The following L3MBTL4 variants were observed in gnomAD, a reference collection of about 807,000 sequenced individuals.
L3MBTL4 encodes the protein L3MBTL histone methyl-lysine binding protein 4.
A neutral mutation model predicts 84.5 loss-of-function variants in L3MBTL4; 70 were observed. The observed-to-expected ratio is 0.83, with a 90% CI of 0.68 to 1.01. The LOEUF (loss-of-function observed/expected upper bound fraction) is 1.01, where lower values mean the gene tolerates loss of function less well. Among genes scored for constraint, L3MBTL4 ranks in the 50% least tolerant of loss-of-function variants. The probability of loss-of-function intolerance (pLI) is 0.00; values close to 1 mark genes in which losing one functional copy is unlikely to be tolerated. For synonymous variants in L3MBTL4, 274 were observed against 259.8 expected (o/e 1.05, Z -0.52); for missense variants, 715 against 754.8 (o/e 0.95, Z 0.62).
intron 16 of L3MBTL4, among the ~76,000 whole-genome samples, chr18:6,001,180 T>A (rs1437398883): frequency 1.3e-5 from 2 of 152,218 alleles, no homozygotes; most frequent in East Asian, 3.9e-4. Flanking sequence ...TAACTGACTA[T>A]GAAGGTGCAG....
At chr18:6,041,727 C>A (rs2056410561) in intron 16 of L3MBTL4, among the ~76,000 whole-genome samples, 1 of 152,030 alleles carries the variant, frequency 6.6e-6, no homozygotes, top group African/African-American at 2.4e-5. Flanking sequence ...CTGTTTCATT[C>A]TTCTTTTATT....
intron 16 of L3MBTL4, among the ~76,000 whole-genome samples, chr18:6,044,123 A>T (rs1457877762): frequency 1.3e-5 from 2 of 152,222 alleles, no homozygotes; most frequent in Non-Finnish European, 2.9e-5. Context: ...TCTTCTCAAG[A>T]GCATTAGTAA....
At chr18:6,099,198 G>A (rs1434286799) in intron 14 of L3MBTL4, among the ~76,000 whole-genome samples, 19 of 151,952 alleles carry the variant, frequency 1.3e-4, no homozygotes, top group Admixed American at 7.2e-4. Flanking sequence ...AAAATAACCC[G>A]CCCCATTTCA....
At chr18:6,106,138 G>C (rs1476655991) in intron 14 of L3MBTL4, among the ~76,000 whole-genome samples, 1 of 152,182 alleles carries the variant, frequency 6.6e-6, no homozygotes, top group Non-Finnish European at 1.5e-5. Context: ...AAACAGCTAA[G>C]AAGTTATACA....
At chr18:6,203,687 T>C (rs2045747316) in intron 12 of L3MBTL4, among the ~76,000 whole-genome samples, 1 of 152,136 alleles carries the variant, frequency 6.6e-6, no homozygotes, top group African/African-American at 2.4e-5. Context: ...TGCTCCTGTT[T>C]AAGAACAGGC....
At chr18:6,102,162 T>C (rs1254879597) in intron 14 of L3MBTL4, among the ~76,000 whole-genome samples, 2 of 152,216 alleles carry the variant, frequency 1.3e-5, no homozygotes, top group East Asian at 1.9e-4. Flanking sequence ...CTGAGTAAAA[T>C]TGGGCTATTT....
At chr18:6,313,100 A>T (rs1021549112) in intron 1 of L3MBTL4, among the ~76,000 whole-genome samples, 4 of 152,150 alleles carry the variant, frequency 2.6e-5, no homozygotes, top group Non-Finnish European at 5.9e-5. Flanking sequence ...CCTTTATTGT[A>T]GTTTTTGTTT....
chr18:5,963,117 G>A (rs1361437314), intron 17 of L3MBTL4, among the ~76,000 whole-genome samples: 2 of 152,216 alleles, frequency 1.3e-5, no homozygotes, highest in Non-Finnish European at 2.9e-5. Context: ...TTTGTCAGAT[G>A]TCAACCACTC....
chr18:6,265,081 G>A (rs1044248536), intron 4 of L3MBTL4, among the ~76,000 whole-genome samples: 2 of 152,166 alleles, frequency 1.3e-5, no homozygotes, highest in Non-Finnish European at 2.9e-5. Context: ...AGCAGTTAAG[G>A]AAACAAATTG....
At chr18:6,401,135 C>T (rs551739643) in intron 1 of L3MBTL4, among the ~76,000 whole-genome samples, 8 of 152,272 alleles carry the variant, frequency 5.3e-5, no homozygotes, top group African/African-American at 1.9e-4. Context: ...TCTAATTATA[C>T]AGTGCCAAGC....
At chr18:6,032,706 C>G (rs768198982) in intron 16 of L3MBTL4, among the ~76,000 whole-genome samples, 3 of 152,158 alleles carry the variant, frequency 2.0e-5, no homozygotes, top group Non-Finnish European at 4.4e-5. Context: ...AAACAATTCT[C>G]CATTCTCCCC....
chr18:6,341,642 G>C (rs1466233233), intron 1 of L3MBTL4, among the ~76,000 whole-genome samples: 1 of 151,882 alleles, frequency 6.6e-6, no homozygotes, highest in Non-Finnish European at 1.5e-5. Flanking sequence ...TTATAGAACA[G>C]CATCATGTGA....
intron 4 of L3MBTL4, among the ~76,000 whole-genome samples, chr18:6,266,372 TAC>T (rs990915926): frequency 6.6e-6 from 1 of 152,180 alleles, no homozygotes; most frequent in African/African-American, 2.4e-5. Context: ...TACTTAGCTA[TAC>T]ACACACACAT....
In L3MBTL4 at chr18:6,306,140, T is replaced by C. The variant is rs542601374; in HGVS notation, c.73-4183A>G. On this transcript the variant is annotated intron_variant, in intron 3 of 18. Transcript: ENST00000317931. Reference sequence around the variant, plus strand: ...TAATAACCCCAGTGACAAACTGCTATTTGAATTTCACCTGCTAGTTCAAGT... The same window carrying C: ...TAATAACCCCAGTGACAAACTGCTACTTGAATTTCACCTGCTAGTTCAAGT... 3.2e-4 allele frequency among the ~76,000 whole-genome samples: 49 copies of C among 152,352 alleles called. No individual in the cohort carries two copies. The South Asian group carries it at 7.0e-3, about 22-fold the overall frequency.
At chr18:6,278,086 C>T (rs1185548138) in intron 4 of L3MBTL4, among the ~76,000 whole-genome samples, 1 of 151,954 alleles carries the variant, frequency 6.6e-6, no homozygotes, top group Non-Finnish European at 1.5e-5. Context: ...GTTTGTAGTG[C>T]TCATTTAATT....
intron 17 of L3MBTL4, among the ~76,000 whole-genome samples, chr18:5,963,388 T>G (rs1461832463): frequency 6.6e-6 from 1 of 152,202 alleles, no homozygotes; most frequent in East Asian, 1.9e-4. Context: ...CTGGATTTTT[T>G]TAAAGGGAAT....
rs1486465347 is a variant in L3MBTL4 at position 6,189,360 on chromosome 18, G to T, written c.982-17418C>A. The stretch of plus-strand genomic sequence containing the variant: ...AATCACAGGTTCTGGAGGTCAAGAG[G>T]TGGACGAATCTTTTGTGGACCACCA... On this transcript the variant is annotated intron_variant, in intron 12 of 18. Coordinates refer to ENST00000317931, the MANE Select transcript of L3MBTL4 (RefSeq NM_001330559.2). 2.0e-5 allele frequency among the ~76,000 whole-genome samples: 3 copies of T among 152,150 alleles called. No homozygotes were observed. In the East Asian group the frequency reaches 5.8e-4, roughly 29 times the overall value.
Position 5,955,325 on chromosome 18 carries a change from T to C in L3MBTL4, c.*895A>G, listed in dbSNP as rs1376246677. 6.6e-6 allele frequency: 1 copy of C among 152,256 alleles called. No individual in the cohort carries two copies. Among genetic ancestry groups the C allele is most frequent in the Non-Finnish European group, 1.5e-5 (1 of 68,050 alleles). 9.4% of individuals were successfully genotyped at this position (152,256 alleles called of 1,614,324 possible). On this transcript the variant is annotated 3_prime_UTR_variant, in exon 19 of 19. Transcript: ENST00000317931. Reference sequence around the variant, plus strand: ...TTGTAAAGATGCACACAGCCCCAGATGTAATATAACACAGCTCCTTATTAC... The same window carrying C: ...TTGTAAAGATGCACACAGCCCCAGACGTAATATAACACAGCTCCTTATTAC...
At chr18:6,132,721 G>A (rs1282753970) in intron 14 of L3MBTL4, among the ~76,000 whole-genome samples, 2 of 152,156 alleles carry the variant, frequency 1.3e-5, no homozygotes, top group African/African-American at 4.8e-5. Context: ...ATACAAAGAA[G>A]AACATCAATT....
Sources: gnomAD v4.1 joint callset for allele counts (sites outside exome capture counted in the v4.1 genomes callset) on GRCh38, gnomAD v4.1.1 for gene constraint, MANE v1.5 for transcripts, NCBI Gene and HGNC (gene_info 2026-07-23, HGNC 2026-07-21) for gene names.